Variants in FAT4 observed in about 807,000 individuals in gnomAD.
FAT4 encodes the protein FAT atypical cadherin 4, also known as protocadherin Fat 4.
FAT4 carries 84 observed loss-of-function variants against 303.9 expected under a neutral mutation model. That is an observed-to-expected ratio of 0.28 (90% CI 0.23 to 0.33). The LOEUF is 0.33. FAT4 is among the 10% of genes least tolerant of loss of function. FAT4 has a pLI of 1.00. For missense variants in FAT4, 6,005 were observed against 6,146.8 expected, an observed-to-expected ratio of 0.98 and a Z score of 0.77; for synonymous variants, 2,307 against 2,298.8, an observed-to-expected ratio of 1.00 and a Z score of -0.10.
At chr4:125,424,907 G>T (rs1725036798) in intron 7 of FAT4, among the ~76,000 whole-genome samples, 1 of 152,286 alleles carries the variant, frequency 6.6e-6, no homozygotes, top group African/African-American at 2.4e-5. Context: ...CACGAATCAG[G>T]CATGAGTCCT....
intron 8 of FAT4, 58 bp downstream of exon 8, chr4:125,434,483 A>G (rs1050733097): frequency 3.5e-5 from 50 of 1,432,290 alleles, no homozygotes; most frequent in Non-Finnish European, 4.7e-5. Flanking sequence ...TTAGTTTTTG[A>G]ACTACATGAA....
intron 10 of FAT4, among the ~76,000 whole-genome samples, chr4:125,459,945 A>G (rs1310164514): frequency 6.6e-6 from 1 of 152,110 alleles, no homozygotes; most frequent in Non-Finnish European, 1.5e-5. Flanking sequence ...CTAATTGGGT[A>G]AAAAAGCATA....
In FAT4 at chr4:125,315,172, C is replaced by G. The variant is rs1304172816; in HGVS notation, c.-818C>G. ...TGGAGAAGGGCTCGCGGAGCCCTAG[C>G]TCCACCGCAGTCCAACCTTCGGCCC... On this transcript the variant is annotated 5_prime_UTR_variant, in exon 1 of 18. Coordinates refer to ENST00000394329, the MANE Select transcript of FAT4 (RefSeq NM_001291303.3). Among the ~76,000 whole-genome samples the G allele has an allele frequency of 2.6e-5, 4 of 151,946 alleles. No individual in the cohort carries two copies. The East Asian group carries it at 7.8e-4, about 30-fold the overall frequency.
intron 2 of FAT4, among the ~76,000 whole-genome samples, chr4:125,393,057 T>C (rs1230612849): frequency 6.6e-6 from 1 of 152,212 alleles, no homozygotes; most frequent in African/African-American, 2.4e-5. Flanking sequence ...TATTAGTATG[T>C]TGACTTGCAA....
intron 2 of FAT4, among the ~76,000 whole-genome samples, chr4:125,361,130 G>C (rs1732649432): frequency 6.6e-6 from 1 of 151,920 alleles, no homozygotes; most frequent in South Asian, 2.1e-4. Context: ...GTGGGGCAAA[G>C]TTCAATTCAA....
intron 11 of FAT4, among the ~76,000 whole-genome samples, chr4:125,464,258 A>G (rs970215917): frequency 6.6e-6 from 1 of 152,162 alleles, no homozygotes; most frequent in African/African-American, 2.4e-5. Flanking sequence ...GTTAAAAAGA[A>G]CTTTTTTGTA....
Position 125,415,331 on chromosome 4 carries a change from CAGT to C in FAT4, c.6369_6371del (p.Val2125del). Reference sequence around the variant, plus strand: ...GAAGAAGTTTCTAATTATACTCTAACAGTGGTGGCTACAGACAAAGGTCAACCA... The same window carrying C: ...GAAGAAGTTTCTAATTATACTCTAACGGTGGCTACAGACAAAGGTCAACCA... On this transcript the variant is annotated inframe_deletion, in exon 6 of 18. Transcript: ENST00000394329. 3 of 1,614,002 alleles carry C rather than the reference CAGT, an allele frequency of 1.9e-6. No homozygotes were observed. The highest frequency in any genetic ancestry group is 2.5e-6 in the Non-Finnish European group (3 of 1,179,952).
intron 2 of FAT4, among the ~76,000 whole-genome samples, chr4:125,352,749 C>G (rs998244190): frequency 1.3e-5 from 2 of 150,940 alleles, no homozygotes; most frequent in African/African-American, 2.4e-5. Flanking sequence ...AGGGCTAGCA[C>G]GCATACATTG....
chr4:125,431,919 A>T (rs776189712), intron 7 of FAT4, among the ~76,000 whole-genome samples: 3 of 152,140 alleles, frequency 2.0e-5, no homozygotes, highest in Non-Finnish European at 2.9e-5. Context: ...CTTCCATTTC[A>T]TAAAATTGTA....
Position 125,449,385 on chromosome 4 carries a change from C to T in FAT4, c.8375C>T (p.Thr2792Ile). ...HVPENSPLGY[T>I]VTRVTTSDED... ...CCTGAAAATTCCCCCTTAGGATACA[C>T]AGTTACCCGTGTCACAACTTCTGAT... is the stretch of plus-strand genomic sequence containing the variant. Residue 2792 changes from threonine (T) to isoleucine (I), a missense_variant, in exon 10 of 18, where the codon ACA becomes ATA. Transcript: ENST00000394329. The T allele has an allele frequency of 6.2e-7, 1 of 1,613,740 alleles. No individual in the cohort carries two copies. Among genetic ancestry groups the T allele is most frequent in the Non-Finnish European group, 8.5e-7 (1 of 1,179,824 alleles).
Position 125,446,473 on chromosome 4 carries a change from T to A in FAT4, c.7380T>A (p.Asp2460Glu). 6.2e-7 allele frequency: 1 copy of A among 1,613,566 alleles called. No individual in the cohort carries two copies. Residue 2460 changes from aspartate to glutamate, a missense_variant, in exon 9 of 18, where the codon GAT becomes GAA. By Grantham distance (45) the Asp-to-Glu change is conservative. Coordinates refer to ENST00000394329, the MANE Select transcript of FAT4 (RefSeq NM_001291303.3). ...CCAGTGTGCTTGTCACTGTGACTGA[T>A]GTCAATGACAATCCACCAAGATTTC... ...SSTSVLVTVT[D>E]VNDNPPRFQH... is the part of the protein sequence containing the mutation.
intron 2 of FAT4, among the ~76,000 whole-genome samples, chr4:125,385,666 T>C (rs1733721200): frequency 1.3e-5 from 2 of 152,090 alleles, no homozygotes; most frequent in Non-Finnish European, 2.9e-5. Context: ...TTCATGGAGA[T>C]GGTTAGTTGT....
At chr4:125,365,058 C>A (rs1347232073) in intron 2 of FAT4, among the ~76,000 whole-genome samples, 1 of 151,988 alleles carries the variant, frequency 6.6e-6, no homozygotes, top group East Asian at 1.9e-4. Flanking sequence ...CCTGGTATTT[C>A]TTGATGACGA....
chr4:125,474,103 A>G (rs927053980), intron 12 of FAT4, among the ~76,000 whole-genome samples: 21 of 152,106 alleles, frequency 1.4e-4, no homozygotes, highest in African/African-American at 5.1e-4. Flanking sequence ...ATTAAATTGC[A>G]TAAGCTTACT....
rs576372425 is a variant in FAT4 at position 125,318,438 on chromosome 4, A to G, written c.2027A>G (p.Asn676Ser). Residue 676 changes from asparagine (N) to serine (S), a missense_variant, in exon 2 of 18, where the codon AAT becomes AGT. Transcript: ENST00000394329. The stretch of plus-strand genomic sequence containing the variant: ...CCCCAGTCATCAATGGCTCGCATAA[A>G]TGTGAGTCTTCTGGATATAAATGAT... Reference protein sequence around the residue: ...SPPQSSMARINVSLLDINDNS... With the variant: ...SPPQSSMARISVSLLDINDNS... 3.1e-6 allele frequency: 5 copies of G among 1,614,158 alleles called. No homozygotes were observed. In the African/African-American group the frequency reaches 5.3e-5, roughly 17 times the overall value.
At chr4:125,368,292 T>C (rs537972872) in intron 2 of FAT4, among the ~76,000 whole-genome samples, 19 of 152,062 alleles carry the variant, frequency 1.2e-4, no homozygotes, top group Non-Finnish European at 2.5e-4. Context: ...TAAATAACCA[T>C]GTTTTTAATC....
rs1730816272 is a variant in FAT4 at position 125,319,339 on chromosome 4, C to A, written c.2928C>A (p.Leu976=). ...CATCTGACATGGGTGTCCCACAGCT[C>A]TCCTCTAGTGTCATCTTAACAGTTT... is the stretch of plus-strand genomic sequence containing the variant. The part of the protein sequence containing the change: ...ILASDMGVPQ[L]SSSVILTVYV... The change falls in exon 2 of 18, where the codon CTC becomes CTA. Residue 976 remains leucine, a synonymous_variant. Transcript: ENST00000394329. 1 of 1,613,640 alleles carries A rather than the reference C, an allele frequency of 6.2e-7. No homozygotes were observed. The highest frequency in any genetic ancestry group is 8.5e-7 in the Non-Finnish European group (1 of 1,179,694).
chr4:125,459,449 A>G (rs1031241419), intron 10 of FAT4, among the ~76,000 whole-genome samples: 35 of 152,174 alleles, frequency 2.3e-4, no homozygotes, highest in African/African-American at 7.5e-4. Context: ...TGCGGATACC[A>G]TGGATTCCTA....
At chr4:125,441,169 T>C (rs1725649214) in intron 8 of FAT4, among the ~76,000 whole-genome samples, 1 of 152,188 alleles carries the variant, frequency 6.6e-6, no homozygotes, top group South Asian at 2.1e-4. Context: ...AGTTTGGAAC[T>C]CTAGGGCCCA....
Sources: allele counts gnomAD v4.1 joint callset (sites outside exome capture counted in the v4.1 genomes callset), GRCh38; gene constraint gnomAD v4.1.1; transcripts MANE v1.5; gene names NCBI Gene and HGNC (gene_info 2026-07-23, HGNC 2026-07-21).